The following CCDC141 variants were observed in gnomAD, a reference collection of about 807,000 sequenced individuals.
CCDC141 encodes coiled-coil domain containing 141, also known as coiled-coil domain-containing protein 141.
In CCDC141, 168 loss-of-function variants were observed where a neutral mutation model predicts 181.0. The observed-to-expected ratio is 0.93, with a 90% CI of 0.82 to 1.05. The LOEUF is 1.05. CCDC141 is among the 50% of genes least tolerant of loss of function. CCDC141 has a pLI of 0.00. For synonymous variants in CCDC141, 666 were observed against 642.3 expected (o/e 1.04, Z -0.56); for missense variants, 1,902 against 1,788.5 (o/e 1.06, Z -1.14).
rs376725929 is a variant in CCDC141 at position 178,844,373 on chromosome 2, A to G, written c.3474+1253T>C. ...AGTGAGCAAGGCCAGGAATACTGCT[A>G]AACTACAATGCGTAGGACAGCTCCC... is the stretch of plus-strand genomic sequence containing the variant. On this transcript the variant is annotated intron_variant, in intron 22 of 23. Coordinates refer to ENST00000443758, the MANE Select transcript of CCDC141 (RefSeq NM_173648.4). Among the ~76,000 whole-genome samples, 37 of 152,300 alleles carry G rather than the reference A, an allele frequency of 2.4e-4. 1 individual carries two copies. The highest frequency in any genetic ancestry group is 9.6e-4 in the East Asian group (5 of 5,192).
At chr2:178,926,283 G>A (rs1286017193) in intron 6 of CCDC141, among the ~76,000 whole-genome samples, 6 of 152,068 alleles carry the variant, frequency 3.9e-5, no homozygotes, top group Non-Finnish European at 8.8e-5. Context: ...GGTAATATTT[G>A]ATTTAGAATA....
intron 2 of CCDC141, among the ~76,000 whole-genome samples, chr2:179,015,466 T>TATGTGC (rs2154385079): frequency 8.7e-6 from 1 of 115,054 alleles, no homozygotes; most frequent in Non-Finnish European, 2.0e-5. Context: ...CATATATATC[T>TATGTGC]CATATATGTG....
chr2:178,853,104 T>A (rs1685233894), intron 20 of CCDC141, among the ~76,000 whole-genome samples: 1 of 152,196 alleles, frequency 6.6e-6, no homozygotes. Context: ...CTAGTGGAAA[T>A]TAGATTTTGT....
chr2:178,952,936 A>G (rs1690012002), intron 5 of CCDC141, among the ~76,000 whole-genome samples: 1 of 152,230 alleles, frequency 6.6e-6, no homozygotes, highest in African/African-American at 2.4e-5. Context: ...CATTATAAAT[A>G]GATGCATTTT....
chr2:178,946,475 T>G (rs1321666511), intron 5 of CCDC141, among the ~76,000 whole-genome samples: 1 of 152,212 alleles, frequency 6.6e-6, no homozygotes, highest in Non-Finnish European at 1.5e-5. Flanking sequence ...TAATTTATCT[T>G]ATTAAACAAA....
chr2:178,842,100 C>T (rs555550584), intron 22 of CCDC141, among the ~76,000 whole-genome samples: 1 of 152,126 alleles, frequency 6.6e-6, no homozygotes, highest in African/African-American at 2.4e-5. Context: ...TGTTATTTAC[C>T]CAGAAAAGTT....
rs777787141 is a variant in CCDC141 at position 178,872,240 on chromosome 2, C to T, written c.1972G>A (p.Ala658Thr). Residue 658 changes from alanine (A) to threonine (T), a missense_variant, in exon 13 of 24, where the codon GCA (alanine) becomes ACA (threonine). By Grantham distance (58) the Ala-to-Thr change is moderately conservative. Coordinates refer to ENST00000443758, the MANE Select transcript of CCDC141 (RefSeq NM_173648.4). The part of the protein sequence containing the change: ...LMKNTMENQK[A>T]EREELSLLRL... ...AGGAGGCTAAGTTCTTCCCGTTCTGCTTTCTGGTTTTCCATGGTGTTCTTC... is the reference window on the plus strand; with the variant it reads ...AGGAGGCTAAGTTCTTCCCGTTCTGTTTTCTGGTTTTCCATGGTGTTCTTC... 7 of 1,613,930 alleles carry T rather than the reference C, an allele frequency of 4.3e-6. No individual in the cohort carries two copies. Among genetic ancestry groups the T allele is most frequent in the Non-Finnish European group, 5.9e-6 (7 of 1,179,970 alleles).
intron 2 of CCDC141, among the ~76,000 whole-genome samples, chr2:179,026,825 C>A (rs1017222789): frequency 6.6e-6 from 1 of 152,212 alleles, no homozygotes; most frequent in Non-Finnish European, 1.5e-5. Context: ...TCAGCATGAC[C>A]TGGAGGTGAG....
intron 7 of CCDC141, among the ~76,000 whole-genome samples, chr2:178,913,371 T>C (rs546565526): frequency 3.3e-5 from 5 of 152,346 alleles, no homozygotes; most frequent in Admixed American, 2.6e-4. Flanking sequence ...AATAAATTCC[T>C]TCTGCATAGT....
At chr2:178,970,722 T>C (rs1229328629) in intron 4 of CCDC141, among the ~76,000 whole-genome samples, 1 of 152,212 alleles carries the variant, frequency 6.6e-6, no homozygotes, top group African/African-American at 2.4e-5. Context: ...AAAGACTTCA[T>C]GTCTAAAACA....
chr2:178,855,473 A>G lies in CCDC141; in HGVS notation c.2934T>C (p.Asp978=), dbSNP rs1305685557. 2 of 1,609,866 alleles carry G rather than the reference A, an allele frequency of 1.2e-6. No individual in the cohort carries two copies. Among genetic ancestry groups the G allele is most frequent in the Non-Finnish European group, 1.7e-6 (2 of 1,178,194 alleles). The change falls in exon 19 of 24, where the codon GAT becomes GAC. Residue 978 remains aspartate (D), a synonymous_variant. Coordinates refer to ENST00000443758, the MANE Select transcript of CCDC141 (RefSeq NM_173648.4). ...TSDSFLNYPS[D]KVNVLLEVMK... is the part of the protein sequence containing the mutation. ...TGACTTCCAAAAGGACATTAACTTT[A>G]TCACTTGGATAATTTAAGAAAGAAT... is the stretch of plus-strand genomic sequence containing the variant.
intron 2 of CCDC141, among the ~76,000 whole-genome samples, chr2:179,009,014 C>G (rs1021942635): frequency 2.0e-5 from 3 of 152,166 alleles, no homozygotes; most frequent in Non-Finnish European, 4.4e-5. Flanking sequence ...TTTTCCCAAT[C>G]TTTTTATCCC....
chr2:178,895,034 C>G (rs910537238), intron 8 of CCDC141, among the ~76,000 whole-genome samples: 1 of 152,054 alleles, frequency 6.6e-6, no homozygotes, highest in Admixed American at 6.6e-5. Flanking sequence ...CCTACTCTAC[C>G]CCACATTAGT....
At chr2:179,032,861 T>A (rs1375605327) in intron 2 of CCDC141, among the ~76,000 whole-genome samples, 1 of 151,948 alleles carries the variant, frequency 6.6e-6, no homozygotes, top group Non-Finnish European at 1.5e-5. Flanking sequence ...ACAGGGCTAA[T>A]CATAGAGTCA....
chr2:178,870,636 T>A (rs1686076708), intron 14 of CCDC141, among the ~76,000 whole-genome samples: 2 of 152,158 alleles, frequency 1.3e-5, no homozygotes. Flanking sequence ...GCGGTGGTTA[T>A]ACTTACATCG....
At chr2:179,048,322 C>T (rs1005182547) in intron 1 of CCDC141, among the ~76,000 whole-genome samples, 1 of 152,082 alleles carries the variant, frequency 6.6e-6, no homozygotes, top group African/African-American at 2.4e-5. Flanking sequence ...CTCTGAATTG[C>T]TTGGGGTGTA....
chr2:179,033,279 T>C (rs2043050945), intron 2 of CCDC141, among the ~76,000 whole-genome samples: 1 of 151,946 alleles, frequency 6.6e-6, no homozygotes, highest in Non-Finnish European at 1.5e-5. Context: ...CAATGTGCTA[T>C]GATATTTGCA....
chr2:179,026,894 T>C (rs1217312378), intron 2 of CCDC141, among the ~76,000 whole-genome samples: 8 of 152,270 alleles, frequency 5.3e-5, no homozygotes, highest in Non-Finnish European at 7.3e-5. Context: ...TGCTGGATTT[T>C]GGACTTGCAT....
At chr2:178,817,898 A>G in the CCDC141 span, among the ~76,000 whole-genome samples, 34,553 of 145,266 alleles carry the variant, frequency 0.24, 6,729 homozygotes, top group East Asian at 0.73. Flanking sequence ...TTCCTCCCAG[A>G]TTCAAGTGAT....
Sources: allele counts gnomAD v4.1 joint callset (sites outside exome capture counted in the v4.1 genomes callset), GRCh38; gene constraint gnomAD v4.1.1; transcripts MANE v1.5; gene names NCBI Gene and HGNC (gene_info 2026-07-23, HGNC 2026-07-21).